GRHL3: variants seen among roughly 807,000 people sequenced by gnomAD.
GRHL3 encodes the protein grainyhead-like protein 3 homolog.
Under a neutral mutation model 70.3 loss-of-function variants are expected in GRHL3, and 20 were observed. The observed-to-expected ratio is 0.28, with a 90% CI of 0.20 to 0.41. The LOEUF (loss-of-function observed/expected upper bound fraction) is 0.41, where lower values mean the gene tolerates loss of function less well. GRHL3 is among the 10% of genes least tolerant of loss of function. The pLI is 1.00. For synonymous variants in GRHL3, 299 were observed against 299.9 expected (o/e 1.00, Z 0.03); for missense variants, 637 against 762.3 (o/e 0.84, Z 1.94).
In GRHL3 at chr1:24,344,978, T is replaced by TCCACACCTGTGCCTCCG. The variant is rs1394856200; in HGVS notation, c.1454+60_1454+61insTCCGCCACACCTGTGCC. 67 of 536,440 alleles carry TCCACACCTGTGCCTCCG rather than the reference T, an allele frequency of 1.2e-4. 2 individuals are homozygous for TCCACACCTGTGCCTCCG. The highest frequency in any genetic ancestry group is 3.3e-4 in the South Asian group (10 of 30,034). The allele number at this position is 536,440 out of a possible 1,614,324, so 33.2% of individuals were successfully genotyped here. A position where few individuals can be genotyped will look rare whatever the true frequency, so the allele number is the denominator to read the frequency against. On this transcript the variant is annotated intron_variant, in intron 12 of 15. Transcript: ENST00000361548. ...CGCCTCCCTCCACACCTGTGCACCC[T>TCCACACCTGTGCCTCCG]CCACACCTGTGCCCCCTCCACACCT...
chr1:24,364,475 A>G, exon 16 of GRHL3: 1 of 1,393,846 alleles, frequency 7.2e-7, no homozygotes, highest in Non-Finnish European at 9.3e-7. Flanking sequence ...ATTACTTTGC[A>G]TTTAAAATGT....
chr1:24,330,365 G>A (rs748582971), intron 1 of GRHL3, among the ~76,000 whole-genome samples: 1 of 152,158 alleles, frequency 6.6e-6, no homozygotes, highest in African/African-American at 2.4e-5. Context: ...ACATTATTCT[G>A]TACCATTGCA....
chr1:24,344,485 GAAAAAAAAAAAAAAAAAA>G (rs57193515), intron 11 of GRHL3, among the ~76,000 whole-genome samples: 1 of 55,778 alleles, frequency 1.8e-5, no homozygotes, highest in Admixed American at 2.9e-4. Context: ...TTTCCCCCCA[GAAAAAAAAAAAAAAAAAA>G]AAAAAAAAAA....
chr1:24,335,692 T>C (rs541654994), intron 3 of GRHL3, among the ~76,000 whole-genome samples: 36 of 152,124 alleles, frequency 2.4e-4, no homozygotes, highest in African/African-American at 7.2e-4. Flanking sequence ...AAGCCATTCT[T>C]CTGCCTCAGC....
intron 15 of GRHL3, chr1:24,364,068 C>T: frequency 7.3e-7 from 1 of 1,368,122 alleles, no homozygotes; most frequent in East Asian, 2.8e-5. Context: ...TCCAGAAACA[C>T]CCAACACAAC....
intron 3 of GRHL3, among the ~76,000 whole-genome samples, chr1:24,335,643 C>A (rs376308773): frequency 6.7e-6 from 1 of 149,008 alleles, no homozygotes; most frequent in Admixed American, 6.7e-5. Flanking sequence ...AGTGCAGTGG[C>A]GCGGTCTTGG....
At chr1:24,320,311 G>C (rs1557687189) in intron 1 of GRHL3, among the ~76,000 whole-genome samples, 1 of 152,260 alleles carries the variant, frequency 6.6e-6, no homozygotes, top group Admixed American at 6.5e-5. Context: ...AAGATGAGAA[G>C]TGATTTTTGG....
intron 8 of GRHL3, among the ~76,000 whole-genome samples, chr1:24,341,136 G>T (rs1269982273): frequency 6.6e-6 from 1 of 152,144 alleles, no homozygotes; most frequent in Non-Finnish European, 1.5e-5. Context: ...GGGGACCGGG[G>T]TTCCCATGGA....
At chr1:24,358,469 C>G (rs746030063), downstream of GRHL3, 16 of 1,291,906 alleles carry the variant, frequency 1.2e-5, no homozygotes, top group Non-Finnish European at 1.8e-5. Context: ...TCGGTCTCCT[C>G]CTGAGGAATG....
At chr1:24,320,814 G>T (rs141373954) in intron 1 of GRHL3, among the ~76,000 whole-genome samples, 17 of 152,306 alleles carry the variant, frequency 1.1e-4, no homozygotes, top group Admixed American at 3.9e-4. Flanking sequence ...CAGGAGCATT[G>T]GTACTGACAC....
chr1:24,344,365 C>A (rs929789082), intron 11 of GRHL3, among the ~76,000 whole-genome samples: 3 of 152,070 alleles, frequency 2.0e-5, no homozygotes, highest in Admixed American at 2.0e-4. Flanking sequence ...GTGGCACACA[C>A]CTGTAATCCC....
At chr1:24,340,497 C>T (rs113243688) in intron 8 of GRHL3, among the ~76,000 whole-genome samples, 2,815 of 152,286 alleles carry the variant, frequency 0.018, 53 homozygotes, top group African/African-American at 0.044. Flanking sequence ...TTGCCATGTG[C>T]GCATGGGCCT....
chr1:24,329,870 A>G (rs563727247), intron 1 of GRHL3, among the ~76,000 whole-genome samples: 1 of 152,296 alleles, frequency 6.6e-6, no homozygotes, highest in South Asian at 2.1e-4. Flanking sequence ...TCTAAATTGA[A>G]CACAACTAGA....
chr1:24,349,059 A>G (rs1267122615), intron 14 of GRHL3, among the ~76,000 whole-genome samples: 1 of 152,220 alleles, frequency 6.6e-6, no homozygotes. Flanking sequence ...TCCTATTACT[A>G]TGCCCATTTT....
chr1:24,352,701 C>T (rs1198326665), intron 15 of GRHL3, among the ~76,000 whole-genome samples: 1 of 152,202 alleles, frequency 6.6e-6, no homozygotes, highest in Non-Finnish European at 1.5e-5. Context: ...CAATGGCAGA[C>T]AAAACAACCC....
rs267598463 is a variant in GRHL3 at position 24,334,700 on chromosome 1, G to A, written c.260G>A (p.Gly87Glu). 6.2e-7 allele frequency: 1 copy of A among 1,610,426 alleles called. No homozygotes were observed. Among genetic ancestry groups the A allele is most frequent in the Non-Finnish European group, 8.5e-7 (1 of 1,178,688 alleles). Residue 87 changes from glycine (G) to glutamate (E), a missense_variant, in exon 3 of 16, where the codon GGA becomes GAA. Around this residue, in one of 2 missense-constraint regions of GRHL3, gnomAD observed 250 missense variants for 248.6 expected, o/e 1.01. Transcript: ENST00000361548. The surrounding 1 kb of genome is among the most constrained non-coding windows in gnomAD (Gnocchi z 4.3). The stretch of plus-strand genomic sequence containing the variant: ...AGCACTGGGGGCAGGAATGACCAAG[G>A]AAAGAGGTGAGGCTTGCCAACACCC... ...SSSTGGRNDQ[G>E]KRYYHGMEYE...
intron 1 of GRHL3, among the ~76,000 whole-genome samples, chr1:24,325,665 C>T (rs951753158): frequency 1.3e-5 from 2 of 152,238 alleles, no homozygotes; most frequent in African/African-American, 2.4e-5. Context: ...CTGAGGCTGA[C>T]TGGGCATGGA....
chr1:24,336,698 C>G lies in GRHL3; in HGVS notation c.483C>G (p.Asp161Glu). The G allele has an allele frequency of 6.2e-7, 1 of 1,614,178 alleles. No homozygotes were observed. Among genetic ancestry groups the G allele is most frequent in the Non-Finnish European group, 8.5e-7 (1 of 1,180,020 alleles). The part of the protein sequence containing the change: ...GPSKLEAGSV[D>E]SYLLPTTDMY... ...GCAAGCTGGAGGCCGGCTCTGTGGA[C>G]AGCTACCTGTTACCCACCACTGATA... Residue 161 changes from aspartate to glutamate, a missense_variant, in exon 4 of 16, where the codon GAC (aspartate) becomes GAG (glutamate). By Grantham distance (45) the Asp-to-Glu change is conservative. Transcript: ENST00000361548.
intron 15 of GRHL3, among the ~76,000 whole-genome samples, chr1:24,352,686 G>A (rs544821092): frequency 5.9e-5 from 9 of 152,280 alleles, no homozygotes; most frequent in East Asian, 1.9e-4. Context: ...CTAGAAGCAC[G>A]CAATCAATGG....
Sources: gnomAD v4.1 joint callset for allele counts (sites outside exome capture counted in the v4.1 genomes callset) on GRCh38, gnomAD v4.1.1 for gene constraint, gnomAD v4.1.1 regional missense constraint, Gnocchi (gnomAD v3.1) non-coding constraint, MANE v1.5 for transcripts, NCBI Gene and HGNC (gene_info 2026-07-23, HGNC 2026-07-21) for gene names.